CADM1: variants seen among roughly 807,000 people sequenced by gnomAD.
CADM1 encodes the protein cell adhesion molecule 1, also known as TSLC-1.
CADM1 carries 15 observed loss-of-function variants against 53.1 expected under a neutral mutation model. That is an observed-to-expected ratio of 0.28 (90% CI 0.19 to 0.44). The LOEUF is 0.44. Among genes scored for constraint, CADM1 ranks in the 20% least tolerant of loss-of-function variants. The pLI, the probability that CADM1 is intolerant of heterozygous loss-of-function variation, is 1.00. For missense variants in CADM1, 434 were observed against 611.3 expected (o/e 0.71, Z 3.06); for synonymous variants, 281 against 243.0 (o/e 1.16, Z -1.45).
At chr11:115,421,177 G>A (rs186007974) in intron 1 of CADM1, among the ~76,000 whole-genome samples, 55 of 152,228 alleles carry the variant, frequency 3.6e-4, no homozygotes, top group Admixed American at 6.5e-4. Flanking sequence ...ACCAGAATGC[G>A]CCCTGGCAAA....
chr11:115,501,655 G>T (rs1030067756), intron 1 of CADM1, among the ~76,000 whole-genome samples: 3 of 152,150 alleles, frequency 2.0e-5, no homozygotes, highest in African/African-American at 7.2e-5. Flanking sequence ...TTCAGTTACA[G>T]GAGAAAACAG....
At chr11:115,425,275 C>T (rs1947862028) in intron 1 of CADM1, among the ~76,000 whole-genome samples, 1 of 152,114 alleles carries the variant, frequency 6.6e-6, no homozygotes, top group South Asian at 2.1e-4. Context: ...AAGGAGGCTG[C>T]GAGTTTCTAT....
intron 1 of CADM1, among the ~76,000 whole-genome samples, chr11:115,270,216 T>C (rs890640795): frequency 6.6e-6 from 1 of 152,212 alleles, no homozygotes; most frequent in African/African-American, 2.4e-5. Flanking sequence ...TCAGACACTT[T>C]GATGAATAGT....
At position 115,435,431 on chromosome 11, in the gene CADM1, C is replaced by T. The variant is rs191064889; in HGVS notation, c.124+68840G>A. On this transcript the variant is annotated intron_variant, in intron 1 of 11. Coordinates refer to ENST00000331581, the MANE Select transcript of CADM1 (RefSeq NM_001301043.2). ...ATATTAAATTCAAATTTTCAGTGTC[C>T]ATAATAAAAGTTGTATTGGGGCTGG... Among the ~76,000 whole-genome samples, 5 of 152,060 alleles carry T rather than the reference C, an allele frequency of 3.3e-5. No individual in the cohort carries two copies. In the East Asian group the frequency reaches 7.8e-4, roughly 24 times the overall value.
intron 10 of CADM1, among the ~76,000 whole-genome samples, chr11:115,188,378 A>G (rs1166307633): frequency 1.3e-5 from 2 of 152,166 alleles, no homozygotes; most frequent in Non-Finnish European, 2.9e-5. Flanking sequence ...AAATCACTGA[A>G]CTACATACGA....
chr11:115,260,946 T>C (rs958372009), intron 1 of CADM1, among the ~76,000 whole-genome samples: 2 of 152,160 alleles, frequency 1.3e-5, no homozygotes, highest in African/African-American at 4.8e-5. Context: ...AGTGCTGGGA[T>C]TACAGGTATG....
chr11:115,296,052 G>C (rs1037566228), intron 1 of CADM1, among the ~76,000 whole-genome samples: 1 of 152,134 alleles, frequency 6.6e-6, no homozygotes. Context: ...CTAGGTACAA[G>C]TGATCCTCCT....
intron 1 of CADM1, among the ~76,000 whole-genome samples, chr11:115,259,265 C>T (rs984050310): frequency 3.7e-5 from 5 of 136,128 alleles, no homozygotes; most frequent in Non-Finnish European, 7.7e-5. Flanking sequence ...GAATTACAGG[C>T]GTGCGCCACC....
intron 1 of CADM1, among the ~76,000 whole-genome samples, chr11:115,482,149 G>A (rs1020079203): frequency 4.0e-5 from 6 of 151,876 alleles, no homozygotes; most frequent in South Asian, 2.1e-4. Context: ...CTCTAATACC[G>A]TCTCTATCTG....
At chr11:115,293,649 G>C (rs913982582) in intron 1 of CADM1, among the ~76,000 whole-genome samples, 12 of 152,156 alleles carry the variant, frequency 7.9e-5, no homozygotes, top group African/African-American at 2.9e-4. Context: ...CCTGGAGCCA[G>C]TATTATTGAA....
intron 1 of CADM1, among the ~76,000 whole-genome samples, chr11:115,365,751 T>A (rs1465086978): frequency 6.6e-6 from 1 of 152,056 alleles, no homozygotes; most frequent in Non-Finnish European, 1.5e-5. Flanking sequence ...AAAAAAAAAA[T>A]TCTTTGTTTA....
intron 1 of CADM1, among the ~76,000 whole-genome samples, chr11:115,318,166 T>G (rs1944724085): frequency 6.6e-6 from 1 of 152,218 alleles, no homozygotes. Flanking sequence ...CTTTCAGAAC[T>G]GCTGAACAAA....
chr11:115,309,196 T>TC (rs1202144535), intron 1 of CADM1, among the ~76,000 whole-genome samples: 12 of 152,258 alleles, frequency 7.9e-5, no homozygotes, highest in African/African-American at 2.9e-4. Context: ...TTATTCTTTC[T>TC]CCAAACCAGT....
chr11:115,329,281 T>C (rs1591713633), intron 1 of CADM1, among the ~76,000 whole-genome samples: 1 of 152,296 alleles, frequency 6.6e-6, no homozygotes, highest in East Asian at 1.9e-4. Context: ...CTGAAAAATG[T>C]CCCTCCAATA....
At chr11:115,303,371 T>C (rs1166247531) in intron 1 of CADM1, among the ~76,000 whole-genome samples, 1 of 152,022 alleles carries the variant, frequency 6.6e-6, no homozygotes, top group African/African-American at 2.4e-5. Context: ...GATCATATAA[T>C]GTGTTGACGC....
chr11:115,424,234 C>T (rs756541300), intron 1 of CADM1, among the ~76,000 whole-genome samples: 6 of 152,226 alleles, frequency 3.9e-5, no homozygotes, highest in Admixed American at 3.3e-4. Flanking sequence ...CCAGAAGTAA[C>T]GTCAGAATAC....
At chr11:115,481,301 C>T (rs1402977714) in intron 1 of CADM1, among the ~76,000 whole-genome samples, 1 of 152,148 alleles carries the variant, frequency 6.6e-6, no homozygotes, top group Admixed American at 6.6e-5. Context: ...ATGGTGGCCT[C>T]CCTTATCTTA....
intron 3 of CADM1, among the ~76,000 whole-genome samples, chr11:115,235,236 G>GAA (rs140297232): frequency 4.8e-5 from 7 of 146,668 alleles, no homozygotes; most frequent in African/African-American, 7.5e-5. Context: ...CTGCTTTTCT[G>GAA]AAAAAAAAAG....
chr11:115,205,825 T>C (rs1940648622), intron 8 of CADM1, among the ~76,000 whole-genome samples: 1 of 152,160 alleles, frequency 6.6e-6, no homozygotes, highest in African/African-American at 2.4e-5. Context: ...TAAAACTGTT[T>C]TATAGTTGGA....
Sources: allele counts gnomAD v4.1 joint callset (sites outside exome capture counted in the v4.1 genomes callset), GRCh38; gene constraint gnomAD v4.1.1; transcripts MANE v1.5; gene names NCBI Gene and HGNC (gene_info 2026-07-23, HGNC 2026-07-21).